SLC8A1: variants seen among roughly 807,000 people sequenced by gnomAD.
The protein encoded by SLC8A1 is solute carrier family 8 member A1.
Under a neutral mutation model 68.3 loss-of-function variants are expected in SLC8A1, and 18 were observed. The ratio of observed to expected loss-of-function variants is 0.26; its 90% CI spans 0.18 to 0.39. SLC8A1 has a LOEUF of 0.39. SLC8A1 is among the 10% of genes least tolerant of loss of function. The pLI is 1.00. For missense variants in SLC8A1, 985 were observed against 1,156.7 expected (o/e 0.85, Z 2.15); for synonymous variants, 475 against 415.5 (o/e 1.14, Z -1.74).
At chr2:40,320,181 G>C (rs896828508) in intron 2 of SLC8A1, among the ~76,000 whole-genome samples, 5 of 152,020 alleles carry the variant, frequency 3.3e-5, no homozygotes, top group African/African-American at 4.8e-5. Context: ...TTTAATGTAA[G>C]TGCCACATAC....
Position 40,154,548 on chromosome 2 carries a change from C to T in SLC8A1, c.2161+6217G>A, listed in dbSNP as rs1456489078. ...TTCACCGTGTTAGCCAGGATGGTCT[C>T]GATCTTCTGACCTCATGATCCGCCT... is the stretch of plus-strand genomic sequence containing the variant. On this transcript the variant is annotated intron_variant, in intron 6 of 7. Coordinates refer to ENST00000406785, the Ensembl canonical transcript of SLC8A1. Among the ~76,000 whole-genome samples the T allele has an allele frequency of 9.7e-5, 14 of 143,850 alleles. 1 individual carries two copies. The South Asian group carries it at 2.4e-3, about 25-fold the overall frequency. 94.4% of individuals were successfully genotyped at this position (143,850 alleles called of 152,430 possible). A position where few individuals can be genotyped will look rare whatever the true frequency, so the allele number is the denominator to read the frequency against.
At chr2:40,235,673 T>C (rs1038521315) in intron 2 of SLC8A1, among the ~76,000 whole-genome samples, 27 of 152,168 alleles carry the variant, frequency 1.8e-4, no homozygotes, top group African/African-American at 6.3e-4. Flanking sequence ...GCTTTTCTAG[T>C]TCTTTTAATG....
chr2:40,430,346 T>G, intron 1 of SLC8A1, 42 bp from the exon 2 acceptor site: 1 of 1,520,800 alleles, frequency 6.6e-7, no homozygotes, highest in Non-Finnish European at 8.8e-7. Context: ...AAAAAAGTCA[T>G]GTCATTAGAG....
At chr2:40,378,755 C>T (rs535771742) in intron 2 of SLC8A1, among the ~76,000 whole-genome samples, 37 of 152,132 alleles carry the variant, frequency 2.4e-4, no homozygotes, top group African/African-American at 8.7e-4. Context: ...CACACACATG[C>T]TCCTGTTCCT....
At chr2:40,381,298 C>T (rs1289301836) in intron 2 of SLC8A1, among the ~76,000 whole-genome samples, 1 of 151,974 alleles carries the variant, frequency 6.6e-6, no homozygotes, top group African/African-American at 2.4e-5. Flanking sequence ...CACCCACATG[C>T]TTGGCTGAAA....
At chr2:40,176,001 A>AT (rs2048405399) in intron 3 of SLC8A1, 2 of 446,990 alleles carry the variant, frequency 4.5e-6, no homozygotes, top group Admixed American at 4.8e-5. Flanking sequence ...TGGACATATC[A>AT]TCCCAGGAAA....
At chr2:40,143,061 A>G (rs1458114596) in intron 6 of SLC8A1, among the ~76,000 whole-genome samples, 1 of 152,056 alleles carries the variant, frequency 6.6e-6, no homozygotes, top group African/African-American at 2.4e-5. Flanking sequence ...CTGGAATGGG[A>G]GGCCCATCTG....
At chr2:40,390,106 A>T (rs1329948113) in intron 2 of SLC8A1, among the ~76,000 whole-genome samples, 2 of 152,124 alleles carry the variant, frequency 1.3e-5, no homozygotes, top group Non-Finnish European at 2.9e-5. Flanking sequence ...TGGAAGAAAC[A>T]TTTTACTAGA....
intron 2 of SLC8A1, among the ~76,000 whole-genome samples, chr2:40,235,384 T>C (rs1334255361): frequency 1.3e-4 from 20 of 151,728 alleles, no homozygotes; most frequent in Middle Eastern, 3.4e-3. Context: ...AGTTTATTTG[T>C]GTAGAGGTGT....
intron 2 of SLC8A1, among the ~76,000 whole-genome samples, chr2:40,213,971 G>T (rs542187275): frequency 6.6e-6 from 1 of 152,160 alleles, no homozygotes; most frequent in African/African-American, 2.4e-5. Context: ...CATGGAAAAT[G>T]AATAGCCACA....
At chr2:40,297,564 G>T (rs1210166366) in intron 2 of SLC8A1, among the ~76,000 whole-genome samples, 1 of 152,066 alleles carries the variant, frequency 6.6e-6, no homozygotes, top group African/African-American at 2.4e-5. Flanking sequence ...ATAAAACATT[G>T]TATAGTCTCT....
At chr2:40,214,901 T>A (rs2057215777) in intron 2 of SLC8A1, among the ~76,000 whole-genome samples, 1 of 152,330 alleles carries the variant, frequency 6.6e-6, no homozygotes, top group East Asian at 1.9e-4. Flanking sequence ...CTTAGTTTTT[T>A]ACTCTGGATT....
At chr2:40,122,185 C>T (rs999336218) in intron 7 of SLC8A1, among the ~76,000 whole-genome samples, 3 of 151,084 alleles carry the variant, frequency 2.0e-5, no homozygotes, top group South Asian at 4.2e-4. Context: ...CTCTTTCTCT[C>T]TCACAAGTGC....
intron 7 of SLC8A1, among the ~76,000 whole-genome samples, chr2:40,119,687 C>T (rs531509109): frequency 2.0e-5 from 3 of 152,306 alleles, no homozygotes; most frequent in Admixed American, 6.5e-5. Flanking sequence ...ATTTCCAATG[C>T]GATTGACACA....
intron 2 of SLC8A1, among the ~76,000 whole-genome samples, chr2:40,182,582 T>G (rs1289339817): frequency 6.6e-6 from 1 of 152,206 alleles, no homozygotes; most frequent in African/African-American, 2.4e-5. Context: ...TGCCTTTTAT[T>G]TGATGATACC....
At chr2:40,140,201 G>C (rs1427789313) in intron 6 of SLC8A1, among the ~76,000 whole-genome samples, 1 of 152,096 alleles carries the variant, frequency 6.6e-6, no homozygotes, top group African/African-American at 2.4e-5. Context: ...GTCATCTCCT[G>C]CAACTATTTC....
intron 2 of SLC8A1, among the ~76,000 whole-genome samples, chr2:40,244,645 T>A (rs1011694453): frequency 1.0e-5 from 1 of 97,782 alleles, no homozygotes; most frequent in African/African-American, 3.2e-5. Context: ...AGCCTGTCTA[T>A]GCAATGATCG....
chr2:40,207,476 A>G (rs1371971055), intron 2 of SLC8A1, among the ~76,000 whole-genome samples: 1 of 152,038 alleles, frequency 6.6e-6, no homozygotes, highest in Non-Finnish European at 1.5e-5. Context: ...AGTTCTACAG[A>G]ACTCATGATT....
intron 2 of SLC8A1, among the ~76,000 whole-genome samples, chr2:40,196,982 G>C (rs763988236): frequency 6.6e-6 from 1 of 151,988 alleles, no homozygotes; most frequent in African/African-American, 2.4e-5. Flanking sequence ...TGCAGAGGGG[G>C]TGTTCTTTAT....
Sources: allele counts gnomAD v4.1 joint callset (sites outside exome capture counted in the v4.1 genomes callset), GRCh38; gene constraint gnomAD v4.1.1; transcripts MANE v1.5; gene names NCBI Gene and HGNC (gene_info 2026-07-23, HGNC 2026-07-21).